The following ZNF131 variants were observed in gnomAD, a reference collection of about 807,000 sequenced individuals.
ZNF131 encodes the protein zinc finger and BTB domain containing 35, also known as zinc finger protein 131.
In ZNF131, 7 loss-of-function variants were observed where a neutral mutation model predicts 60.0. The observed-to-expected ratio is 0.12, with a 90% CI of 0.07 to 0.22. The LOEUF (loss-of-function observed/expected upper bound fraction) is 0.22. Ranked by LOEUF, ZNF131 falls within the 10% of genes least tolerant of loss-of-function variation. The probability of loss-of-function intolerance (pLI) is 1.00; values close to 1 mark genes in which losing one functional copy is unlikely to be tolerated. For synonymous variants in ZNF131, 257 were observed against 253.2 expected (o/e 1.01, Z -0.14); for missense variants, 493 against 740.9 (o/e 0.67, Z 3.88).
At chr5:43,170,925 C>T (rs1399393845) in intron 5 of ZNF131, among the ~76,000 whole-genome samples, 1 of 150,338 alleles carries the variant, frequency 6.7e-6, no homozygotes, top group Non-Finnish European at 1.5e-5. Context: ...GTGATGACTG[C>T]ACCCGGCGAT....
At chr5:43,121,823 A>C in intron 1 of ZNF131, 1 of 379,066 alleles carries the variant, frequency 2.6e-6, no homozygotes. Context: ...TCCCGACTCC[A>C]ATTAGGTCAG....
chr5:43,164,014 G>A (rs984030022), intron 5 of ZNF131, among the ~76,000 whole-genome samples: 1 of 152,132 alleles, frequency 6.6e-6, no homozygotes, highest in Admixed American at 6.6e-5. Context: ...TGTACTTAAG[G>A]CTCAGTATGG....
At chr5:43,162,359 AG>A (rs1749785168) in intron 5 of ZNF131, among the ~76,000 whole-genome samples, 2 of 151,852 alleles carry the variant, frequency 1.3e-5, no homozygotes, top group African/African-American at 4.8e-5. Flanking sequence ...TGGGAGGCCG[AG>A]GCAGGCGGAT....
chr5:43,172,654 C>T (rs1318746176), intron 5 of ZNF131, among the ~76,000 whole-genome samples: 2 of 151,910 alleles, frequency 1.3e-5, no homozygotes, highest in Admixed American at 6.6e-5. Flanking sequence ...ATATAAATCA[C>T]CCTCTATTTG....
intron 3 of ZNF131, among the ~76,000 whole-genome samples, chr5:43,127,277 C>T (rs1056064865): frequency 6.6e-6 from 1 of 152,022 alleles, no homozygotes; most frequent in Non-Finnish European, 1.5e-5. Context: ...ATATAAATGC[C>T]CAGGTTGTAT....
intron 4 of ZNF131, chr5:43,143,387 A>G: frequency 2.9e-6 from 4 of 1,370,354 alleles, no homozygotes; most frequent in Non-Finnish European, 2.8e-6. Context: ...AGCCACATCC[A>G]TGGACTGCAC....
At chr5:43,130,322 A>G (rs1394390943) in intron 3 of ZNF131, among the ~76,000 whole-genome samples, 1 of 151,024 alleles carries the variant, frequency 6.6e-6, no homozygotes. Flanking sequence ...ATAATAAGAC[A>G]GAATCAAAAA....
At chr5:43,173,472 G>C (rs755769023) in intron 6 of ZNF131, 24 bp downstream of exon 6, 2 of 1,601,734 alleles carry the variant, frequency 1.2e-6, no homozygotes, top group South Asian at 1.1e-5. Flanking sequence ...CATACATTCA[G>C]TTCTTAACAA....
In ZNF131 at chr5:43,176,043, TTAAAA is replaced by T. The variant is rs1487797885; in HGVS notation, c.*915_*919del. The T allele has an allele frequency of 1.3e-5, 2 of 152,274 alleles. No homozygotes were observed. Among genetic ancestry groups the T allele is most frequent in the African/African-American group, 4.8e-5 (2 of 41,442 alleles). The allele number at this position is 152,274 out of a possible 1,614,324, so 9.4% of individuals were successfully genotyped here. On this transcript the variant is annotated 3_prime_UTR_variant, in exon 7 of 7. Coordinates refer to ENST00000682664, the MANE Select transcript of ZNF131 (RefSeq NM_001330707.2). ...GAGCAGCATTTAAAAATTAATGTAT[TTAAAA>T]TAAAGTACAGAGAAAGACATGTATA... is the stretch of plus-strand genomic sequence containing the variant.
At chr5:43,135,256 A>G (rs1019115861) in intron 3 of ZNF131, among the ~76,000 whole-genome samples, 5 of 151,252 alleles carry the variant, frequency 3.3e-5, no homozygotes, top group African/African-American at 1.2e-4. Context: ...CGGCCTCCCA[A>G]AGTGCTGGGA....
chr5:43,173,224 T>C lies in ZNF131; in HGVS notation c.1055-94T>C, dbSNP rs555417553. 2.3e-5 allele frequency: 29 copies of C among 1,278,804 alleles called. No individual in the cohort carries two copies. The South Asian group carries it at 5.4e-4, about 24-fold the overall frequency. 79.2% of individuals were successfully genotyped at this position (1,278,804 alleles called of 1,614,324 possible). A position where few individuals can be genotyped will look rare whatever the true frequency, so the allele number is the denominator to read the frequency against. On this transcript the variant is annotated intron_variant, in intron 5 of 6. Transcript: ENST00000682664. ...ATTTCTCCTTTTAGGAATTTAGTAT[T>C]AAAATTACCCAAAAAGAAAAAGTAA...
At chr5:43,140,363 A>G (rs1746657433) in intron 4 of ZNF131, among the ~76,000 whole-genome samples, 1 of 152,228 alleles carries the variant, frequency 6.6e-6, no homozygotes, top group Admixed American at 6.5e-5. Context: ...TCCTGCTTCT[A>G]CCACTGTGTG....
chr5:43,123,536 T>G (rs2112096227), intron 3 of ZNF131: 1 of 351,314 alleles, frequency 2.8e-6, no homozygotes, highest in South Asian at 6.7e-5. Context: ...GGTTGAATGA[T>G]CTGCCAGGAA....
At chr5:43,170,075 G>C (rs1750797216) in intron 5 of ZNF131, among the ~76,000 whole-genome samples, 1 of 152,016 alleles carries the variant, frequency 6.6e-6, no homozygotes, top group Admixed American at 6.6e-5. Flanking sequence ...TTTATATCTT[G>C]ACAAAGATTA....
At chr5:43,168,275 G>A (rs1750599114) in intron 5 of ZNF131, among the ~76,000 whole-genome samples, 1 of 152,188 alleles carries the variant, frequency 6.6e-6, no homozygotes, top group Non-Finnish European at 1.5e-5. Context: ...TGGCTTCTGG[G>A]GGTCATTACC....
intron 4 of ZNF131, among the ~76,000 whole-genome samples, chr5:43,156,898 C>A (rs974182616): frequency 6.6e-6 from 1 of 152,026 alleles, no homozygotes; most frequent in Non-Finnish European, 1.5e-5. Context: ...AAAAAAATTA[C>A]ACCTTAATTC....
chr5:43,125,348 T>A (rs945299470), intron 3 of ZNF131, among the ~76,000 whole-genome samples: 1 of 151,592 alleles, frequency 6.6e-6, no homozygotes, highest in African/African-American at 2.4e-5. Context: ...TTACCCAGGC[T>A]GGAGTGCAAT....
intron 5 of ZNF131, among the ~76,000 whole-genome samples, chr5:43,169,915 C>T (rs1750777146): frequency 6.6e-6 from 1 of 151,958 alleles, no homozygotes; most frequent in South Asian, 2.1e-4. Context: ...CTCAGCCTCC[C>T]GAGTAGCTGG....
rs1751477774 is a variant in ZNF131, at chr5:43,175,471, A to C, written c.*338A>C. The C allele has an allele frequency of 1.4e-6, 1 of 699,326 alleles. No homozygotes were observed. Among genetic ancestry groups the C allele is most frequent in the Non-Finnish European group, 2.6e-6 (1 of 384,388 alleles). The allele number at this position is 699,326 out of a possible 1,614,324, so 43.3% of individuals were successfully genotyped here. On this transcript the variant is annotated 3_prime_UTR_variant, in exon 7 of 7. Transcript: ENST00000682664. ...TCTTTCCCAGGTCATGTTCTTCCTC[A>C]AATTTTTTCCATATTGTAAAATCAA...
Sources: gnomAD v4.1 joint callset for allele counts (sites outside exome capture counted in the v4.1 genomes callset) on GRCh38, gnomAD v4.1.1 for gene constraint, MANE v1.5 for transcripts, NCBI Gene and HGNC (gene_info 2026-07-23, HGNC 2026-07-21) for gene names.